The following FOXP1 variants were observed in gnomAD, a reference collection of about 807,000 sequenced individuals.
FOXP1 encodes forkhead box P1, also known as forkhead box protein P1.
Under a neutral mutation model 98.2 loss-of-function variants are expected in FOXP1, and 15 were observed. That is an observed-to-expected ratio of 0.15 (90% confidence interval 0.10 to 0.24). The LOEUF (loss-of-function observed/expected upper bound fraction) is 0.24. Ranked by LOEUF, FOXP1 falls within the 10% of genes least tolerant of loss-of-function variation. The probability of loss-of-function intolerance (pLI) is 1.00; values close to 1 mark genes in which losing one functional copy is unlikely to be tolerated. For synonymous variants in FOXP1, 371 were observed against 314.5 expected (o/e 1.18, Z -1.90); for missense variants, 633 against 848.5 (o/e 0.75, Z 3.15).
intron 13 of FOXP1, among the ~76,000 whole-genome samples, chr3:70,997,220 C>CT (rs1220573808): frequency 6.6e-5 from 10 of 152,326 alleles, no homozygotes; most frequent in Non-Finnish European, 1.3e-4. Flanking sequence ...AAGCACATCT[C>CT]TTTAAGTGTT....
At chr3:71,153,426 A>G (rs887065043) in intron 6 of FOXP1, among the ~76,000 whole-genome samples, 1 of 152,086 alleles carries the variant, frequency 6.6e-6, no homozygotes, top group African/African-American at 2.4e-5. Context: ...ATTCTAGCCC[A>G]GCACCAAGCA....
At chr3:71,279,533 AGTC>A (rs2071289768) in intron 5 of FOXP1, among the ~76,000 whole-genome samples, 1 of 152,192 alleles carries the variant, frequency 6.6e-6, no homozygotes, top group Non-Finnish European at 1.5e-5. Flanking sequence ...AGAAAAAACT[AGTC>A]AGCCCCAAAC....
chr3:70,999,081 G>T (rs1309088911), intron 13 of FOXP1, among the ~76,000 whole-genome samples: 1 of 152,068 alleles, frequency 6.6e-6, no homozygotes, highest in Non-Finnish European at 1.5e-5. Flanking sequence ...CTGGTAGGAA[G>T]GTAGTTTATT....
chr3:71,077,437 A>G (rs1018963710), intron 7 of FOXP1, among the ~76,000 whole-genome samples: 1 of 152,198 alleles, frequency 6.6e-6, no homozygotes, highest in Non-Finnish European at 1.5e-5. Flanking sequence ...GTACAGTGAA[A>G]CCGAATGTCA....
intron 3 of FOXP1, among the ~76,000 whole-genome samples, chr3:71,483,014 A>AT (rs1304996413): frequency 6.6e-6 from 1 of 150,870 alleles, no homozygotes; most frequent in African/African-American, 2.4e-5. Context: ...TTTTTTTCTT[A>AT]TTTTTTGTAG....
intron 3 of FOXP1, among the ~76,000 whole-genome samples, chr3:71,453,605 C>T (rs1311568120): frequency 6.6e-6 from 1 of 152,090 alleles, no homozygotes; most frequent in Non-Finnish European, 1.5e-5. Context: ...AAAACCAAGC[C>T]CCTCCCCAAC....
chr3:71,498,939 A>C (rs1360608213), intron 2 of FOXP1, among the ~76,000 whole-genome samples: 1 of 152,194 alleles, frequency 6.6e-6, no homozygotes, highest in African/African-American at 2.4e-5. Context: ...CTGAAGATCT[A>C]GGAAGGAGTT....
chr3:71,374,926 T>C (rs1213554023), intron 3 of FOXP1, among the ~76,000 whole-genome samples: 1 of 152,190 alleles, frequency 6.6e-6, no homozygotes, highest in Non-Finnish European at 1.5e-5. Context: ...CAGACCCAAA[T>C]GTTAACATCT....
intron 6 of FOXP1, among the ~76,000 whole-genome samples, chr3:71,145,310 G>A (rs544074665): frequency 3.3e-5 from 5 of 152,070 alleles, no homozygotes; most frequent in African/African-American, 1.2e-4. Context: ...GTCAAGGCAG[G>A]TGGATCACCT....
At chr3:71,002,474 A>G (rs1034782612) in intron 12 of FOXP1, among the ~76,000 whole-genome samples, 2 of 152,186 alleles carry the variant, frequency 1.3e-5, no homozygotes, top group Non-Finnish European at 2.9e-5. Flanking sequence ...ACAATAGAAG[A>G]CCACACAAGG....
chr3:71,081,868 T>G (rs955091954), intron 7 of FOXP1, among the ~76,000 whole-genome samples: 1 of 152,218 alleles, frequency 6.6e-6, no homozygotes, highest in Non-Finnish European at 1.5e-5. Context: ...CTATCTAAAT[T>G]TAAATGAATT....
At position 71,280,348 on chromosome 3, in the gene FOXP1, T is replaced by A. The variant is rs551846458; in HGVS notation, c.-12+19472A>T. Among the ~76,000 whole-genome samples the A allele has an allele frequency of 4.7e-4, 71 of 149,724 alleles. 1 individual carries two copies. In the South Asian group the frequency reaches 6.1e-3, roughly 13 times the overall value. On this transcript the variant is annotated intron_variant, in intron 5 of 20. Transcript: ENST00000649528. Reference sequence around the variant, plus strand: ...TTTTTTTTTATTTTTTGAGACAGAGTCTTGCTTTGTCCCCTAGGCTGGAGT... The same window carrying A: ...TTTTTTTTTATTTTTTGAGACAGAGACTTGCTTTGTCCCCTAGGCTGGAGT...
chr3:71,583,903 C>T (rs1333284264), upstream of FOXP1: 13 of 984,876 alleles, frequency 1.3e-5, no homozygotes, highest in African/African-American at 1.8e-5. Flanking sequence ...CTCTCCGCTT[C>T]ACGCACCCCG....
intron 3 of FOXP1, among the ~76,000 whole-genome samples, chr3:71,469,507 A>G (rs2089116761): frequency 6.6e-6 from 1 of 152,224 alleles, no homozygotes; most frequent in Non-Finnish European, 1.5e-5. Flanking sequence ...ATTTTAATTG[A>G]GGAAAGAAGC....
intron 7 of FOXP1, among the ~76,000 whole-genome samples, chr3:71,071,149 T>G (rs188704483): frequency 2.6e-5 from 4 of 152,220 alleles, no homozygotes; most frequent in Non-Finnish European, 5.9e-5. Flanking sequence ...AGTCTCAAGG[T>G]TTGTCTCCTT....
At chr3:71,099,917 A>G (rs943783073) in intron 7 of FOXP1, among the ~76,000 whole-genome samples, 3 of 152,246 alleles carry the variant, frequency 2.0e-5, no homozygotes, top group Admixed American at 6.5e-5. Flanking sequence ...ACATGGTTTT[A>G]GGATAAGAAT....
chr3:71,059,383 C>T (rs1193622481), intron 7 of FOXP1, among the ~76,000 whole-genome samples: 1 of 152,166 alleles, frequency 6.6e-6, no homozygotes, highest in Admixed American at 6.5e-5. Flanking sequence ...AACTGCTCTC[C>T]TCTAACATTT....
chr3:71,120,882 C>A (rs1037834906), intron 6 of FOXP1, among the ~76,000 whole-genome samples: 1 of 152,140 alleles, frequency 6.6e-6, no homozygotes, highest in Non-Finnish European at 1.5e-5. Context: ...TGCTATGATG[C>A]CGATTATGTA....
At chr3:71,515,979 A>G (rs988873630) in intron 2 of FOXP1, among the ~76,000 whole-genome samples, 6 of 152,230 alleles carry the variant, frequency 3.9e-5, no homozygotes, top group African/African-American at 1.4e-4. Flanking sequence ...AGATTCCGTA[A>G]CACATTTTGT....
Sources: allele counts gnomAD v4.1 joint callset (sites outside exome capture counted in the v4.1 genomes callset), GRCh38; gene constraint gnomAD v4.1.1; transcripts MANE v1.5; gene names NCBI Gene and HGNC (gene_info 2026-07-23, HGNC 2026-07-21).